The following ADARB1 variants were observed in gnomAD, a reference collection of about 807,000 sequenced individuals.
ADARB1 encodes double-stranded RNA-specific editase 1.
Under a neutral mutation model 52.4 loss-of-function variants are expected in ADARB1, and 10 were observed. The ratio of observed to expected loss-of-function variants is 0.19; its 90% CI spans 0.12 to 0.32. The LOEUF is 0.32. Ranked by LOEUF, ADARB1 falls within the 10% of genes least tolerant of loss-of-function variation. The pLI is 1.00. For synonymous variants in ADARB1, 349 were observed against 371.1 expected (o/e 0.94, Z 0.68); for missense variants, 643 against 922.3 (o/e 0.70, Z 3.92).
chr21:45,218,704 C>T (rs1022254232), intron 9 of ADARB1, among the ~76,000 whole-genome samples: 15 of 152,204 alleles, frequency 9.9e-5, no homozygotes, highest in African/African-American at 3.6e-4. Flanking sequence ...GATATCTCTC[C>T]AAGGGAGGGA....
intron 1 of ADARB1, among the ~76,000 whole-genome samples, chr21:45,081,067 C>T (rs1451705457): frequency 6.6e-6 from 1 of 152,188 alleles, no homozygotes; most frequent in Non-Finnish European, 1.5e-5. Context: ...GAAGCCTTCC[C>T]CAGCTTCCTT....
chr21:45,188,833 A>G lies in ADARB1; in HGVS notation c.1565+3742A>G, dbSNP rs531007402. ...ATGATAGGTGTATTAGTCCATTTCC[A>G]TTTTCATTGCTGATAAAGACATACC... On this transcript the variant is annotated intron_variant, in intron 8 of 10. Transcript: ENST00000348831. Among the ~76,000 whole-genome samples, 17 of 151,812 alleles carry G rather than the reference A, an allele frequency of 1.1e-4. No homozygotes were observed. In the South Asian group the frequency reaches 3.5e-3, roughly 32 times the overall value.
rs2093051766 is a variant in ADARB1, at chr21:45,225,857, A to G, written c.*3660A>G. Reference sequence around the variant, plus strand: ...ATTGTGTTCCGTGTGTGTCCAGTTTACAGCGTCTCTGCCCCCTAGCGTGTT... The same window carrying G: ...ATTGTGTTCCGTGTGTGTCCAGTTTGCAGCGTCTCTGCCCCCTAGCGTGTT... On this transcript the variant is annotated 3_prime_UTR_variant, in exon 11 of 11. Coordinates refer to ENST00000348831, the MANE Select transcript of ADARB1 (RefSeq NM_001112.4). The G allele has an allele frequency of 3.0e-6, 1 of 328,300 alleles. No individual in the cohort carries two copies. 20.3% of individuals were successfully genotyped at this position (328,300 alleles called of 1,614,324 possible).
chr21:45,096,947 G>A (rs1312917136), intron 1 of ADARB1, among the ~76,000 whole-genome samples: 1 of 152,172 alleles, frequency 6.6e-6, no homozygotes, highest in East Asian at 1.9e-4. Context: ...CACCGTGTTA[G>A]TCAGGATGGT....
intron 4 of ADARB1, chr21:45,177,304 C>T (rs1256544676): frequency 6.6e-6 from 1 of 152,474 alleles, no homozygotes; most frequent in African/African-American, 2.4e-5. Context: ...TGCCAGTTGC[C>T]TGGGAGTCTC....
chr21:45,221,468 A>G lies in ADARB1; in HGVS notation c.1926+454A>G, dbSNP rs2092962910. On this transcript the variant is annotated intron_variant, in intron 10 of 10. Coordinates refer to ENST00000348831, the MANE Select transcript of ADARB1 (RefSeq NM_001112.4). This position sits in a 1 kb window ranked among gnomAD's most constrained non-coding sequence, Gnocchi z 4.9. ...AAAACTTTATATAGTAAGTCAGGGT[A>G]TTACTAGTTTGTGTGTATTCTTCAG... Among the ~76,000 whole-genome samples, 1 of 152,134 alleles carries G rather than the reference A, an allele frequency of 6.6e-6. No individual in the cohort carries two copies. Among genetic ancestry groups the G allele is most frequent in the African/African-American group, 2.4e-5 (1 of 41,434 alleles).
At chr21:45,134,003 G>A (rs1489029263) in intron 2 of ADARB1, among the ~76,000 whole-genome samples, 1 of 124,774 alleles carries the variant, frequency 8.0e-6, no homozygotes, top group East Asian at 2.6e-4. Context: ...GTGTGCGCCC[G>A]ACGGGTGTGT....
chr21:45,184,875 A>T, intron 7 of ADARB1, 48 bp from the exon 8 acceptor site: 1 of 1,528,200 alleles, frequency 6.5e-7, no homozygotes. Context: ...CAATAAATCA[A>T]ATAGATGGTT....
chr21:45,221,289 C>G lies in ADARB1; in HGVS notation c.1926+275C>G, dbSNP rs1045398467. Among the ~76,000 whole-genome samples, 3 of 152,228 alleles carry G rather than the reference C, an allele frequency of 2.0e-5. No homozygotes were observed. Among genetic ancestry groups the G allele is most frequent in the Non-Finnish European group, 4.4e-5 (3 of 68,044 alleles). On this transcript the variant is annotated intron_variant, in intron 10 of 10. Transcript: ENST00000348831. This position sits in a 1 kb window ranked among gnomAD's most constrained non-coding sequence, Gnocchi z 4.9. Reference sequence around the variant, plus strand: ...GTGTGTGGTGGAAACGTCTCTTACTCTCAGATATTGAAAGTCATTATGCAA... The same window carrying G: ...GTGTGTGGTGGAAACGTCTCTTACTGTCAGATATTGAAAGTCATTATGCAA...
chr21:45,087,078 C>A (rs566236617), intron 1 of ADARB1, among the ~76,000 whole-genome samples: 5 of 152,276 alleles, frequency 3.3e-5, no homozygotes, highest in African/African-American at 1.2e-4. Flanking sequence ...TGAGTTCTTA[C>A]CGGGTGTTTG....
In ADARB1 at chr21:45,204,434, C is replaced by A. The variant is rs2246081; in HGVS notation, c.1566-121C>A. 1.1e-6 allele frequency: 1 copy of A among 915,220 alleles called. No homozygotes were observed. The highest frequency in any genetic ancestry group is 1.7e-6 in the Non-Finnish European group (1 of 599,236). The allele number at this position is 915,220 out of a possible 1,614,324, so 56.7% of individuals were successfully genotyped here. ...CTGTTAACTTTTTGTTGCACTCCTT[C>A]GTCAGTTGGTTGGGATCCTGCGGAA... On this transcript the variant is annotated intron_variant, in intron 8 of 10. Coordinates refer to ENST00000348831, the MANE Select transcript of ADARB1 (RefSeq NM_001112.4). The surrounding 1 kb of genome is among the most constrained non-coding windows in gnomAD (Gnocchi z 4.4).
intron 2 of ADARB1, among the ~76,000 whole-genome samples, chr21:45,163,726 G>A (rs2091103649): frequency 2.0e-5 from 3 of 152,238 alleles, no homozygotes; most frequent in Non-Finnish European, 4.4e-5. Context: ...GGAGTCGGGT[G>A]TGGACGGTGT....
At chr21:45,149,165 G>T (rs1054027780) in intron 2 of ADARB1, among the ~76,000 whole-genome samples, 1 of 152,230 alleles carries the variant, frequency 6.6e-6, no homozygotes, top group African/African-American at 2.4e-5. Flanking sequence ...GGCTCCTGAT[G>T]TGGCCTCTGT....
intron 2 of ADARB1, among the ~76,000 whole-genome samples, chr21:45,138,009 G>A (rs1026964978): frequency 5.9e-5 from 9 of 152,122 alleles, no homozygotes; most frequent in Non-Finnish European, 1.0e-4. Flanking sequence ...AACTTAGAAG[G>A]GCTTTTGATG....
chr21:45,141,721 G>A (rs2089732777), intron 2 of ADARB1, among the ~76,000 whole-genome samples: 1 of 151,772 alleles, frequency 6.6e-6, no homozygotes, highest in African/African-American at 2.4e-5. Flanking sequence ...GCCACCACAG[G>A]ATCACCTTAG....
At chr21:45,118,863 CA>C (rs1476414842) in intron 1 of ADARB1, among the ~76,000 whole-genome samples, 1 of 152,228 alleles carries the variant, frequency 6.6e-6, no homozygotes, top group African/African-American at 2.4e-5. Context: ...TCTTGCTCTG[CA>C]GTTTCCTCTG....
rs1445596708 is a variant in ADARB1, at chr21:45,164,737, A to C, written c.-47-6873A>C. On this transcript the variant is annotated intron_variant, in intron 2 of 10. Transcript: ENST00000348831. ...GAGCACGTTTTTTATTTATAAGGAC[A>C]TAACCCTGGCTGCTGCGAGGAGAGG... Among the ~76,000 whole-genome samples, 3 of 152,158 alleles carry C rather than the reference A, an allele frequency of 2.0e-5. No individual in the cohort carries two copies. In the East Asian group the frequency reaches 5.8e-4, roughly 29 times the overall value.
intron 5 of ADARB1, 69 bp from the exon 6 acceptor site, chr21:45,182,516 T>C: frequency 1.3e-6 from 2 of 1,523,834 alleles, no homozygotes; most frequent in Middle Eastern, 1.7e-4. Flanking sequence ...AGAGTCAGAC[T>C]TCAGGAGCAC....
intron 1 of ADARB1, among the ~76,000 whole-genome samples, chr21:45,115,062 A>T (rs13052435): frequency 6.6e-6 from 1 of 150,684 alleles, no homozygotes; most frequent in Non-Finnish European, 1.5e-5. Context: ...ACTCACAGAC[A>T]GGCTTTGTGA....
Sources: gnomAD v4.1 joint callset for allele counts (sites outside exome capture counted in the v4.1 genomes callset) on GRCh38, gnomAD v4.1.1 for gene constraint, Gnocchi (gnomAD v3.1) non-coding constraint, MANE v1.5 for transcripts, NCBI Gene and HGNC (gene_info 2026-07-23, HGNC 2026-07-21) for gene names.